C6orf120: variants seen among roughly 807,000 people sequenced by gnomAD.
C6orf120 encodes the protein UPF0669 protein C6orf120.
For missense variants in C6orf120, 311 were observed against 264.2 expected (o/e 1.18, Z -1.23); for synonymous variants, 165 against 123.1 (o/e 1.34, Z -2.25).
At chr6:169,705,807 T>C (rs1788765051), downstream of C6orf120, 1 of 773,824 alleles carries the variant, frequency 1.3e-6, no homozygotes, top group Admixed American at 2.0e-5. Flanking sequence ...TTTATTGCCC[T>C]ATTTTTACTT....
exon 1 of C6orf120, chr6:169,702,922 G>A (rs752960251): frequency 6.2e-7 from 1 of 1,612,654 alleles, no homozygotes; most frequent in South Asian, 1.1e-5. Flanking sequence ...CGACGGCGCA[G>A]ATGCCGGCCA....
chr6:169,704,718 ACT>A lies in C6orf120; in HGVS notation c.*1686_*1687del, dbSNP rs1223751441. ...TAGTCCAATTACTGTGATTTATTCA[ACT>A]CTGTTCTAAAGTTATCTGGAATTGT... is the stretch of plus-strand genomic sequence containing the variant. On this transcript the variant is annotated 3_prime_UTR_variant, in exon 1 of 1. Coordinates refer to ENST00000332290, the Ensembl canonical transcript of C6orf120. 3.5e-5 allele frequency: 6 copies of A among 172,470 alleles called. No homozygotes were observed. In the East Asian group the frequency reaches 9.3e-4, roughly 27 times the overall value. 10.7% of individuals were successfully genotyped at this position (172,470 alleles called of 1,614,324 possible). A position where few individuals can be genotyped will look rare whatever the true frequency, so the allele number is the denominator to read the frequency against.
chr6:169,702,847 G>T lies in C6orf120; in HGVS notation c.388G>T (p.Glu130Ter). ...CCCCTCCCACCTGGAGAGCGAGTTC[G>T]AGATGAAGGTGTACTACGACGGCAC... Residue 130 changes from glutamate to a stop codon, truncating the protein, a stop_gained, in exon 1 of 1, where the codon GAG (glutamate) becomes TAG (stop). Transcript: ENST00000332290. LOFTEE classifies it low-confidence loss of function (END_TRUNC). The T allele has an allele frequency of 6.2e-7, 1 of 1,612,038 alleles. No individual in the cohort carries two copies. Among genetic ancestry groups the T allele is most frequent in the Non-Finnish European group, 8.5e-7 (1 of 1,179,950 alleles).
chr6:169,703,892 T>C, exon 1 of C6orf120: 1 of 785,024 alleles, frequency 1.3e-6, no homozygotes, highest in Non-Finnish European at 2.0e-6. Context: ...AACTGCAGAT[T>C]TTAAGCTCAT....
downstream of C6orf120, among the ~76,000 whole-genome samples, chr6:169,706,212 T>C (rs1462081800): frequency 2.0e-5 from 3 of 152,148 alleles, no homozygotes; most frequent in African/African-American, 7.2e-5. Flanking sequence ...CTCATTGGTA[T>C]AGTGGTATTT....
downstream of C6orf120, chr6:169,705,257 C>G: frequency 6.2e-7 from 1 of 1,613,168 alleles, no homozygotes; most frequent in Non-Finnish European, 8.5e-7. Context: ...ATTCCATACA[C>G]TGCCATGGGT....
At chr6:169,706,268 C>T (rs1788780696), downstream of C6orf120, among the ~76,000 whole-genome samples, 1 of 152,118 alleles carries the variant, frequency 6.6e-6, no homozygotes, top group Non-Finnish European at 1.5e-5. Flanking sequence ...ATGTCTCATG[C>T]ATACATTGGC....
exon 1 of C6orf120, chr6:169,703,143 C>G: frequency 8.4e-7 from 1 of 1,193,232 alleles, no homozygotes; most frequent in Non-Finnish European, 1.2e-6. Context: ...TACCTTTAGT[C>G]AAGGGATGGA....
At chr6:169,705,377 G>T, downstream of C6orf120, 1 of 1,242,636 alleles carries the variant, frequency 8.0e-7, no homozygotes, top group Non-Finnish European at 1.1e-6. Flanking sequence ...ACTTAATATG[G>T]CACATAAAAT....
chr6:169,702,963 G>C (rs772348701), exon 1 of C6orf120: 6 of 1,606,164 alleles, frequency 3.7e-6, no homozygotes, highest in Non-Finnish European at 4.2e-6. Context: ...AAGACGCCTC[G>C]CAAGAGGAGG....
chr6:169,705,295 T>G, downstream of C6orf120: 1 of 1,612,224 alleles, frequency 6.2e-7, no homozygotes, highest in Non-Finnish European at 8.5e-7. Context: ...ACAAGCTCCA[T>G]TGTCATATCC....
exon 1 of C6orf120, chr6:169,702,295 C>A: frequency 1.5e-6 from 1 of 668,072 alleles, no homozygotes; most frequent in Non-Finnish European, 2.7e-6. Context: ...CCCTCCTCCC[C>A]GGGGCCTCAC....
At chr6:169,703,691 G>A (rs941607742) in exon 1 of C6orf120, 12 of 344,572 alleles carry the variant, frequency 3.5e-5, no homozygotes, top group Admixed American at 1.6e-4. Flanking sequence ...ATGGTAGGCC[G>A]GAAACAATGT....
chr6:169,702,881 A>G (rs2128327094), exon 1 of C6orf120: 1 of 1,612,162 alleles, frequency 6.2e-7, no homozygotes, highest in South Asian at 1.1e-5. Flanking sequence ...ACGGTCGAGC[A>G]GCACCCGTTC....
chr6:169,702,209 G>C, exon 1 of C6orf120: 1 of 682,558 alleles, frequency 1.5e-6, no homozygotes, highest in East Asian at 2.8e-5. Flanking sequence ...GAGTCCGAGG[G>C]TGCCACAGCG....
At chr6:169,702,396 G>A in exon 1 of C6orf120, 1 of 1,027,938 alleles carries the variant, frequency 9.7e-7, no homozygotes, top group Non-Finnish European at 1.4e-6. Flanking sequence ...CTCCGGTGCT[G>A]AGCGCCTCCG....
At chr6:169,702,711 C>T (rs773208616) in exon 1 of C6orf120, 1 of 1,613,554 alleles carries the variant, frequency 6.2e-7, no homozygotes. Flanking sequence ...CCGCCAGCAG[C>T]CTGCACCCCA....
exon 1 of C6orf120, chr6:169,703,466 C>T (rs1204389810): frequency 8.8e-6 from 2 of 226,794 alleles, no homozygotes; most frequent in Non-Finnish European, 1.9e-5. Context: ...GTACACTTCC[C>T]TGAGCCTGGA....
chr6:169,702,582 C>T, exon 1 of C6orf120: 2 of 1,613,176 alleles, frequency 1.2e-6, no homozygotes, highest in South Asian at 1.1e-5. Context: ...AGTGGGTGCT[C>T]CTGCACGTCG....
Sources: gnomAD v4.1 joint callset for allele counts (sites outside exome capture counted in the v4.1 genomes callset) on GRCh38, gnomAD v4.1.1 for gene constraint, MANE v1.5 for transcripts, NCBI Gene and HGNC (gene_info 2026-07-23, HGNC 2026-07-21) for gene names.